Variants in RNF25 observed in about 807,000 individuals in gnomAD.
RNF25 encodes ring finger protein 25.
RNF25 carries 32 observed loss-of-function variants against 65.0 expected under a neutral mutation model. That is an observed-to-expected ratio of 0.49 (90% CI 0.37 to 0.66). The LOEUF (loss-of-function observed/expected upper bound fraction) is 0.66. Among genes scored for constraint, RNF25 ranks in the 30% least tolerant of loss-of-function variants. The pLI, the probability that RNF25 is intolerant of heterozygous loss-of-function variation, is 0.00. For missense variants in RNF25, 493 were observed against 584.8 expected (o/e 0.84, Z 1.62); for synonymous variants, 207 against 221.2 (o/e 0.94, Z 0.57).
chr2:218,664,002 A>G lies in RNF25; in HGVS notation c.1335T>C (p.Gly445=). 1 of 1,469,758 alleles carries G rather than the reference A, an allele frequency of 6.8e-7. No individual in the cohort carries two copies. The highest frequency in any genetic ancestry group is 9.0e-7 in the Non-Finnish European group (1 of 1,109,500). 91.0% of individuals were successfully genotyped at this position (1,469,758 alleles called of 1,614,324 possible). A position where few individuals can be genotyped will look rare whatever the true frequency, so the allele number is the denominator to read the frequency against. The change falls in exon 10 of 10, where the codon GGT becomes GGC. Residue 445 remains glycine (G), a synonymous_variant. Coordinates refer to ENST00000295704, the MANE Select transcript of RNF25 (RefSeq NM_022453.3). This position sits in a 1 kb window ranked among gnomAD's most constrained non-coding sequence, Gnocchi z 5.1. ...LPRGQGAYRP[G]TRRESLGLES... ...CCAGGCCCAGGGACTCCCTCCGAGT[A>G]CCAGGCCGGTATGCTCCCTGGCCCC...
chr2:218,664,792 C>T lies in RNF25; in HGVS notation c.748G>A (p.Gly250Arg), dbSNP rs180897214. 3.7e-6 allele frequency: 6 copies of T among 1,614,228 alleles called. No homozygotes were observed. The highest frequency in any genetic ancestry group is 5.1e-6 in the Non-Finnish European group (6 of 1,180,038). ...CGCTCAGCCTCAAGGTCAATGATTC[C>T]CCCCCGCTCCTGCTGCCTCTGGTAG... ...RLYQRQQERG[G>R]IIDLEAERNR... Residue 250 changes from glycine (G) to arginine (R), a missense_variant, in exon 9 of 10, where the codon GGA (glycine) becomes AGA (arginine). Gly to Arg is a moderately radical substitution (Grantham distance 125). Coordinates refer to ENST00000295704, the MANE Select transcript of RNF25 (RefSeq NM_022453.3). The surrounding 1 kb of genome is among the most constrained non-coding windows in gnomAD (Gnocchi z 5.1).
chr2:218,665,369 G>C, intron 7 of RNF25, 122 bp from the exon 8 acceptor site: 1 of 789,268 alleles, frequency 1.3e-6, no homozygotes, highest in Non-Finnish European at 2.0e-6. Flanking sequence ...CGGTTCAGCA[G>C]TGAGTTGGGA....
chr2:218,668,598 T>C lies in RNF25; in HGVS notation c.116+7A>G, dbSNP rs1230621843. The C allele has an allele frequency of 6.2e-7, 1 of 1,600,460 alleles. No homozygotes were observed. Among genetic ancestry groups the C allele is most frequent in the African/African-American group, 1.3e-5 (1 of 74,566 alleles). On this transcript the variant is annotated splice_region_variant and intron_variant, in intron 2 of 9. Transcript: ENST00000295704. Reference sequence around the variant, plus strand: ...GGACTCCTGCCCACCACTGGTTGAATACATACCTGCCATTTCCTTTAATCA... The same window carrying C: ...GGACTCCTGCCCACCACTGGTTGAACACATACCTGCCATTTCCTTTAATCA...
intron 1 of RNF25, among the ~76,000 whole-genome samples, chr2:218,670,895 G>A (rs751115216): frequency 1.3e-5 from 2 of 152,046 alleles, no homozygotes; most frequent in African/African-American, 4.8e-5. Flanking sequence ...AAAGGAGGCC[G>A]GGTGTGGTGG....
In RNF25 at chr2:218,671,989, C is replaced by A. The variant is rs760247615; in HGVS notation, c.-19G>T. 10 of 1,614,094 alleles carry A rather than the reference C, an allele frequency of 6.2e-6. No homozygotes were observed. The Admixed American group carries it at 1.0e-4, about 16-fold the overall frequency. ...CCGCCATATCTTCACCGGCCCGCAG[C>A]CGGAACCGGAAATGCCCTTAGGGAA... On this transcript the variant is annotated 5_prime_UTR_variant, in exon 1 of 10. Coordinates refer to ENST00000295704, the MANE Select transcript of RNF25 (RefSeq NM_022453.3).
intron 7 of RNF25, 83 bp from the exon 8 acceptor site, chr2:218,665,330 A>AG: frequency 7.9e-7 from 1 of 1,259,644 alleles, no homozygotes; most frequent in Non-Finnish European, 1.1e-6. Context: ...TAATCTGCAG[A>AG]GGGCTGGGAC....
rs1939779227 is a variant in RNF25, at chr2:218,664,618, C to A, written c.802-83G>T. The A allele has an allele frequency of 3.2e-6, 5 of 1,576,608 alleles. No individual in the cohort carries two copies. The South Asian group carries it at 5.8e-5, about 18-fold the overall frequency. On this transcript the variant is annotated intron_variant, in intron 9 of 9. Coordinates refer to ENST00000295704, the MANE Select transcript of RNF25 (RefSeq NM_022453.3). The surrounding 1 kb of genome is among the most constrained non-coding windows in gnomAD (Gnocchi z 5.1). The stretch of plus-strand genomic sequence containing the variant: ...ACAGGCCCCTCTCCTACTATCTGGG[C>A]TGACCACGATCAGCCTATCATCTTC...
intron 1 of RNF25, among the ~76,000 whole-genome samples, chr2:218,669,122 G>T (rs567899554): frequency 1.5e-4 from 23 of 152,038 alleles, no homozygotes; most frequent in African/African-American, 5.5e-4. Flanking sequence ...CTTGGCTACT[G>T]TCTACATACA....
At position 218,665,138 on chromosome 2, in the gene RNF25, G is replaced by GA. The variant is rs1276155965; in HGVS notation, c.666+16dup. On this transcript the variant is annotated intron_variant, in intron 8 of 9. Coordinates refer to ENST00000295704, the MANE Select transcript of RNF25 (RefSeq NM_022453.3). ...ATACCATTACTCCTGGCTCAGATTG[G>GA]AAAAAAGTCTCCTTACCATGGGCTG... is the stretch of plus-strand genomic sequence containing the variant. 6.8e-6 allele frequency: 11 copies of GA among 1,611,608 alleles called. No homozygotes were observed. The highest frequency in any genetic ancestry group is 2.2e-5 in the East Asian group (1 of 44,856).
Position 218,664,018 on chromosome 2 carries a change from C to T in RNF25, c.1319G>A (p.Gly440Glu). 6.0e-6 allele frequency: 9 copies of T among 1,492,030 alleles called. 1 individual carries two copies. The highest frequency in any genetic ancestry group is 8.0e-6 in the Non-Finnish European group (9 of 1,120,890). 92.4% of individuals were successfully genotyped at this position (1,492,030 alleles called of 1,614,324 possible). A position where few individuals can be genotyped will look rare whatever the true frequency, so the allele number is the denominator to read the frequency against. ...CCTCCGAGTACCAGGCCGGTATGCT[C>T]CCTGGCCCCGAGGCAGGCGAGGGTA... The part of the protein sequence containing the change: ...SSYPRLPRGQ[G>E]AYRPGTRRES... The change falls in exon 10 of 10, where the codon GGA becomes GAA. Residue 440 changes from glycine to glutamate, a missense_variant. Coordinates refer to ENST00000295704, the MANE Select transcript of RNF25 (RefSeq NM_022453.3). This position sits in a 1 kb window ranked among gnomAD's most constrained non-coding sequence, Gnocchi z 5.1.
Position 218,664,151 on chromosome 2 carries a change from C to T in RNF25, c.1186G>A (p.Gly396Ser), listed in dbSNP as rs1939760075. 6.5e-7 allele frequency: 1 copy of T among 1,543,636 alleles called. No individual in the cohort carries two copies. The highest frequency in any genetic ancestry group is 8.7e-7 in the Non-Finnish European group (1 of 1,148,784). The change falls in exon 10 of 10, where the codon GGT becomes AGT. Residue 396 changes from glycine (G) to serine (S), a missense_variant. Gly to Ser is a moderately conservative substitution (Grantham distance 56). Coordinates refer to ENST00000295704, the MANE Select transcript of RNF25 (RefSeq NM_022453.3). This position sits in a 1 kb window ranked among gnomAD's most constrained non-coding sequence, Gnocchi z 5.1. Reference protein sequence around the residue: ...KPEPHSQGVEGPPQEKGPGSW... With the variant: ...KPEPHSQGVESPPQEKGPGSW... ...CCAGGCCCCTTCTCTTGTGGAGGAC[C>T]TTCAACTCCTTGGCTATGGGGTTCT... is the stretch of plus-strand genomic sequence containing the variant.
rs146626696 is a variant in RNF25 at position 218,664,175 on chromosome 2, C to G, written c.1162G>C (p.Glu388Gln). The change falls in exon 10 of 10, where the codon GAA becomes CAA. Residue 388 changes from glutamate (E) to glutamine (Q), a missense_variant. Coordinates refer to ENST00000295704, the MANE Select transcript of RNF25 (RefSeq NM_022453.3). This position sits in a 1 kb window ranked among gnomAD's most constrained non-coding sequence, Gnocchi z 5.1. ...PLKEPMDLKPEPHSQGVEGPP... is the reference protein window; with the variant it reads ...PLKEPMDLKPQPHSQGVEGPP... ...CCTTCAACTCCTTGGCTATGGGGTTCTGGCTTTAGGTCCATGGGCTCCTTG... is the reference window on the plus strand; with the variant it reads ...CCTTCAACTCCTTGGCTATGGGGTTGTGGCTTTAGGTCCATGGGCTCCTTG... 2.4e-3 allele frequency: 3,703 copies of G among 1,571,600 alleles called. 5 individuals are homozygous for G. The highest frequency in any genetic ancestry group is 3.0e-3 in the Non-Finnish European group (3,434 of 1,162,804).
chr2:218,671,906 C>G, intron 1 of RNF25, 24 bp downstream of exon 1: 2 of 1,614,170 alleles, frequency 1.2e-6, no homozygotes, highest in Non-Finnish European at 1.7e-6. Flanking sequence ...GGCTGTCAGC[C>G]AAAGCCCATG....
Position 218,671,991 on chromosome 2 carries a change from G to A in RNF25, c.-21C>T, listed in dbSNP as rs959616573. 9 of 1,614,062 alleles carry A rather than the reference G, an allele frequency of 5.6e-6. No individual in the cohort carries two copies. Among genetic ancestry groups the A allele is most frequent in the Non-Finnish European group, 7.6e-6 (9 of 1,180,036 alleles). On this transcript the variant is annotated 5_prime_UTR_variant, in exon 1 of 10. Transcript: ENST00000295704. ...GCCATATCTTCACCGGCCCGCAGCC[G>A]GAACCGGAAATGCCCTTAGGGAAGT...
intron 5 of RNF25, among the ~76,000 whole-genome samples, chr2:218,667,512 G>A (rs1483235924): frequency 6.6e-6 from 1 of 151,968 alleles, no homozygotes; most frequent in Non-Finnish European, 1.5e-5. Flanking sequence ...CACCGTGCCT[G>A]GCCAACCATG....
chr2:218,664,775 C>T lies in RNF25; in HGVS notation c.765G>A (p.Glu255=). ...QQERGGIIDL[E]AERNRYFISL... ...TGATGAAGTATCGGTTTCGCTCAGCCTCAAGGTCAATGATTCCCCCCCGCT... is the reference window on the plus strand; with the variant it reads ...TGATGAAGTATCGGTTTCGCTCAGCTTCAAGGTCAATGATTCCCCCCCGCT... Residue 255 remains glutamate (E), a synonymous_variant, in exon 9 of 10, where the codon GAG becomes GAA. Coordinates refer to ENST00000295704, the MANE Select transcript of RNF25 (RefSeq NM_022453.3). The surrounding 1 kb of genome is among the most constrained non-coding windows in gnomAD (Gnocchi z 5.1). 6.2e-7 allele frequency: 1 copy of T among 1,614,262 alleles called. No individual in the cohort carries two copies. The highest frequency in any genetic ancestry group is 2.2e-5 in the East Asian group (1 of 44,884).
At chr2:218,668,708 C>A in intron 1 of RNF25, 29 bp from the exon 2 acceptor site, 1 of 1,476,116 alleles carries the variant, frequency 6.8e-7, no homozygotes, top group Non-Finnish European at 9.5e-7. Context: ...ACTAACTTAC[C>A]ATTACAGCTC....
Position 218,666,005 on chromosome 2 carries a change from G to C in RNF25, c.484C>G (p.Leu162Val). 1 of 1,614,162 alleles carries C rather than the reference G, an allele frequency of 6.2e-7. No homozygotes were observed. Among genetic ancestry groups the C allele is most frequent in the South Asian group, 1.1e-5 (1 of 91,088 alleles). ...TCCATGTGCTGGATGTACCGAGCAA[G>C]GCAGTGGCAGTGGAAGTAGTGGTAA... ...PCYHYFHCHC[L>V]ARYIQHMEQE... is the part of the protein sequence containing the mutation. The change falls in exon 7 of 10, where the codon CTT (leucine) becomes GTT (valine). Residue 162 changes from leucine (L) to valine (V), a missense_variant. Transcript: ENST00000295704.
At chr2:218,667,803 T>TA in intron 5 of RNF25, 109 bp downstream of exon 5, 1 of 993,642 alleles carries the variant, frequency 1.0e-6, no homozygotes, top group Non-Finnish European at 1.5e-6. Flanking sequence ...AGGCCTTACC[T>TA]AATGACTCCA....
Sources: gnomAD v4.1 joint callset for allele counts (sites outside exome capture counted in the v4.1 genomes callset) on GRCh38, gnomAD v4.1.1 for gene constraint, Gnocchi (gnomAD v3.1) non-coding constraint, MANE v1.5 for transcripts, NCBI Gene and HGNC (gene_info 2026-07-23, HGNC 2026-07-21) for gene names.